The following TTBK2 variants were observed in gnomAD, a reference collection of about 807,000 sequenced individuals.
TTBK2 encodes the protein tau-tubulin kinase 2.
Under a neutral mutation model 110.8 loss-of-function variants are expected in TTBK2, and 28 were observed. The ratio of observed to expected loss-of-function variants is 0.25; its 90% CI spans 0.19 to 0.35. TTBK2 has a LOEUF of 0.35. TTBK2 is among the 10% of genes least tolerant of loss of function. The probability of loss-of-function intolerance (pLI) is 1.00; values close to 1 mark genes in which losing one functional copy is unlikely to be tolerated. For synonymous variants in TTBK2, 532 were observed against 527.3 expected (o/e 1.01, Z -0.12); for missense variants, 1,369 against 1,500.3 (o/e 0.91, Z 1.45).
intron 3 of TTBK2, among the ~76,000 whole-genome samples, chr15:42,850,414 G>A (rs1893650946): frequency 6.6e-6 from 1 of 152,120 alleles, no homozygotes; most frequent in Non-Finnish European, 1.5e-5. Context: ...ATGGTACTTT[G>A]AATTTTGGTC....
intron 1 of TTBK2, among the ~76,000 whole-genome samples, chr15:42,897,584 A>G (rs1895715952): frequency 6.6e-6 from 1 of 152,174 alleles, no homozygotes; most frequent in African/African-American, 2.4e-5. Flanking sequence ...TCTGGGCTAA[A>G]AGGAAAGGAT....
At position 42,802,324 on chromosome 15, in the gene TTBK2, C is replaced by T. The variant is rs773259619; in HGVS notation, c.823-7523G>A. On this transcript the variant is annotated intron_variant, in intron 9 of 14. Coordinates refer to ENST00000267890, the MANE Select transcript of TTBK2 (RefSeq NM_173500.4). Reference sequence around the variant, plus strand: ...CGAGGAGCTGATGCAGGCACCAGGCCCACTCGTGTAGGAGAGGCTGTTAAA... The same window carrying T: ...CGAGGAGCTGATGCAGGCACCAGGCTCACTCGTGTAGGAGAGGCTGTTAAA... The T allele has an allele frequency of 1.1e-4, 86 of 773,462 alleles. No individual in the cohort carries two copies. The South Asian group carries it at 1.1e-3, about 10-fold the overall frequency. The allele number at this position is 773,462 out of a possible 1,614,324, so 47.9% of individuals were successfully genotyped here. A position where few individuals can be genotyped will look rare whatever the true frequency, so the allele number is the denominator to read the frequency against.
chr15:42,876,178 T>G (rs959552348), intron 2 of TTBK2, among the ~76,000 whole-genome samples: 2 of 152,096 alleles, frequency 1.3e-5, no homozygotes, highest in African/African-American at 4.8e-5. Context: ...AAAATAAGCC[T>G]CTAAATTTTG....
At chr15:42,871,878 T>C (rs1007051137) in intron 3 of TTBK2, among the ~76,000 whole-genome samples, 6 of 152,330 alleles carry the variant, frequency 3.9e-5, no homozygotes, top group Admixed American at 2.6e-4. Flanking sequence ...TAGAGAAACT[T>C]GGATACGCTT....
intron 13 of TTBK2, among the ~76,000 whole-genome samples, chr15:42,763,370 C>T (rs929283503): frequency 4.7e-5 from 7 of 149,422 alleles, no homozygotes; most frequent in Admixed American, 2.0e-4. Flanking sequence ...TGCCCCATCA[C>T]GCCTGTCTAA....
chr15:42,802,484 T>C, intron 9 of TTBK2: 1 of 592,002 alleles, frequency 1.7e-6, no homozygotes, highest in Non-Finnish European at 3.1e-6. Context: ...ACACAGTCTT[T>C]ACTTCTCTGC....
chr15:42,810,107 T>C (rs1891643108), intron 9 of TTBK2, among the ~76,000 whole-genome samples: 1 of 152,318 alleles, frequency 6.6e-6, no homozygotes, highest in African/African-American at 2.4e-5. Flanking sequence ...ATGTAATTTG[T>C]AGTAAACCTA....
intron 1 of TTBK2, among the ~76,000 whole-genome samples, chr15:42,896,562 C>T (rs1895676249): frequency 6.6e-6 from 1 of 152,020 alleles, no homozygotes; most frequent in Admixed American, 6.6e-5. Flanking sequence ...TGAGGAAGGA[C>T]TATCGCTGGA....
intron 8 of TTBK2, 95 bp downstream of exon 8, chr15:42,811,593 A>G: frequency 1.1e-6 from 1 of 925,776 alleles, no homozygotes; most frequent in Non-Finnish European, 1.7e-6. Flanking sequence ...GTAGATTTTA[A>G]GTCTTATACA....
chr15:42,830,049 G>C lies in TTBK2; in HGVS notation c.321C>G (p.Ser107Arg), dbSNP rs775363097. ...QGRNLADLRRSQSRGTFTIST... is the reference protein window; with the variant it reads ...QGRNLADLRRRQSRGTFTIST... ...TAATGGTGAATGTGCCTCGGGACTG[G>C]CTACGGCGAAGATCTGCCAGATTCC... The change falls in exon 5 of 15, where the codon AGC becomes AGG. Residue 107 changes from serine (S) to arginine (R), a missense_variant. Around this residue, in one of 4 missense-constraint regions of TTBK2, gnomAD observed 122 missense variants for 159.7 expected, o/e 0.76. Transcript: ENST00000267890. The C allele has an allele frequency of 1.2e-6, 2 of 1,614,138 alleles. No homozygotes were observed. Among genetic ancestry groups the C allele is most frequent in the Admixed American group, 1.7e-5 (1 of 60,026 alleles).
At chr15:42,788,954 G>A (rs1890524925) in intron 10 of TTBK2, among the ~76,000 whole-genome samples, 1 of 152,108 alleles carries the variant, frequency 6.6e-6, no homozygotes, top group South Asian at 2.1e-4. Context: ...GATATACATA[G>A]ACAGTAAAAT....
rs1437567132 is a variant in TTBK2, at chr15:42,763,119, C to CGT, written c.1999-9873_1999-9872insAC. Among the ~76,000 whole-genome samples, 157 of 87,222 alleles carry CGT rather than the reference C, an allele frequency of 1.8e-3. 5 individuals carry two copies. The highest frequency in any genetic ancestry group is 9.2e-3 in the African/African-American group (152 of 16,534). The allele number at this position is 87,222 out of a possible 152,430, so 57.2% of individuals were successfully genotyped here. ...ATATATATACGTATATATATATATA[C>CGT]ACATATATATACATATATACATACA... On this transcript the variant is annotated intron_variant, in intron 13 of 14. Coordinates refer to ENST00000267890, the MANE Select transcript of TTBK2 (RefSeq NM_173500.4).
intron 13 of TTBK2, among the ~76,000 whole-genome samples, chr15:42,763,753 G>C (rs1017829753): frequency 1.1e-4 from 17 of 152,182 alleles, no homozygotes; most frequent in Admixed American, 1.3e-4. Flanking sequence ...ATTGAGGTGA[G>C]GGTGGATGGG....
At chr15:42,898,760 C>G (rs114354766) in intron 1 of TTBK2, among the ~76,000 whole-genome samples, 1 of 152,252 alleles carries the variant, frequency 6.6e-6, no homozygotes, top group African/African-American at 2.4e-5. Flanking sequence ...TAGATAATGA[C>G]TACAACTGAA....
chr15:42,804,008 C>CAAAAAAAA (rs781131720), intron 9 of TTBK2, among the ~76,000 whole-genome samples: 1 of 51,066 alleles, frequency 2.0e-5, no homozygotes. Flanking sequence ...GCGAGGAGTG[C>CAAAAAAAA]AAAAAAAAAA....
intron 7 of TTBK2, among the ~76,000 whole-genome samples, chr15:42,813,707 G>A (rs568423455): frequency 1.3e-5 from 2 of 151,616 alleles, no homozygotes; most frequent in East Asian, 2.0e-4. Flanking sequence ...TTAGCTGGGC[G>A]TGGCAGCATA....
chr15:42,845,053 C>A (rs1324014833), intron 3 of TTBK2, among the ~76,000 whole-genome samples: 4 of 152,102 alleles, frequency 2.6e-5, no homozygotes, highest in Non-Finnish European at 2.9e-5. Context: ...AAAGAAGATT[C>A]AAAAATTTGG....
chr15:42,839,325 C>T (rs913763647), intron 4 of TTBK2, among the ~76,000 whole-genome samples: 2 of 152,202 alleles, frequency 1.3e-5, no homozygotes, highest in African/African-American at 4.8e-5. Flanking sequence ...ACACGTACCA[C>T]ATTTTCTTTA....
At position 42,817,090 on chromosome 15, in the gene TTBK2, G is replaced by A; in HGVS notation, c.545C>T (p.Ala182Val). The A allele has an allele frequency of 1.9e-6, 3 of 1,607,370 alleles. No homozygotes were observed. The highest frequency in any genetic ancestry group is 2.6e-6 in the Non-Finnish European group (3 of 1,176,010). ...NSCGDVRPPR[A>V]VAGFRGTVRY... ...AACTGTCCCTCGAAAACCTGCCACA[G>A]CTCGAGGCTACAACGAAGCCATGCA... The change falls in exon 7 of 15, where the codon GCT (alanine) becomes GTT (valine). Residue 182 changes from alanine (A) to valine (V), a missense_variant. Ala to Val is a moderately conservative substitution (Grantham distance 64). This residue lies in a region of TTBK2 where 138 missense variants were observed against 179.0 expected (regional missense o/e 0.77). Transcript: ENST00000267890.
Sources: gnomAD v4.1 joint callset for allele counts (sites outside exome capture counted in the v4.1 genomes callset) on GRCh38, gnomAD v4.1.1 for gene constraint, gnomAD v4.1.1 regional missense constraint, MANE v1.5 for transcripts, NCBI Gene and HGNC (gene_info 2026-07-23, HGNC 2026-07-21) for gene names.